The following TMLHE variants were observed in gnomAD, a reference collection of about 807,000 sequenced individuals.
The protein encoded by TMLHE is trimethyllysine hydroxylase, epsilon, also known as trimethyllysine dioxygenase, mitochondrial.
In TMLHE, 18 loss-of-function variants were observed where a neutral mutation model predicts 25.7. The ratio of observed to expected loss-of-function variants is 0.70; its 90% CI spans 0.48 to 1.04. The LOEUF is 1.04. Ranked by LOEUF, TMLHE falls within the 50% of genes least tolerant of loss-of-function variation. TMLHE has a pLI of 0.00. For synonymous variants in TMLHE, 105 were observed against 97.0 expected (o/e 1.08, Z -0.49); for missense variants, 236 against 259.0 (o/e 0.91, Z 0.61).
chrX:155,603,475 T>C (rs1370887839), intron 1 of TMLHE, among the ~76,000 whole-genome samples: 1 of 111,816 alleles, frequency 8.9e-6, no homozygotes, highest in African/African-American at 3.3e-5. Flanking sequence ...AAAACAATGT[T>C]GAAAAAGAAG....
intron 1 of TMLHE, among the ~76,000 whole-genome samples, chrX:155,548,662 G>T (rs782083258): frequency 4.8e-4 from 52 of 108,485 alleles, no homozygotes; most frequent in Non-Finnish European, 9.0e-4. Context: ...TTGAACCCAG[G>T]AGGCAAAGGT....
At chrX:155,604,644 A>G (rs2067776502) in intron 1 of TMLHE, among the ~76,000 whole-genome samples, 1 of 111,368 alleles carries the variant, frequency 9.0e-6, no homozygotes, top group Admixed American at 9.5e-5. Flanking sequence ...GCCAGCACTC[A>G]AGTGGGAGAG....
chrX:155,608,285 G>T (rs2067798647), intron 1 of TMLHE, among the ~76,000 whole-genome samples: 1 of 111,718 alleles, frequency 9.0e-6, no homozygotes, highest in African/African-American at 3.3e-5. Flanking sequence ...TGACGCTGAT[G>T]AAAACAAGTA....
intron 1 of TMLHE, among the ~76,000 whole-genome samples, chrX:155,595,476 C>T (rs2067715884): frequency 8.9e-6 from 1 of 111,820 alleles, no homozygotes; most frequent in Non-Finnish European, 1.9e-5. Context: ...GAAGTGCTTC[C>T]AAGAAGCAGA....
chrX:155,506,238 G>T (rs1280655328), intron 6 of TMLHE, among the ~76,000 whole-genome samples: 1 of 111,252 alleles, frequency 9.0e-6, no homozygotes, highest in East Asian at 2.8e-4. Context: ...CCATGGGAAA[G>T]AAAAGTGTTC....
intron 6 of TMLHE, among the ~76,000 whole-genome samples, chrX:155,504,605 C>G (rs2067066029): frequency 9.0e-6 from 1 of 111,200 alleles, no homozygotes; most frequent in African/African-American, 3.3e-5. Context: ...GGTACAAGTA[C>G]TTTGGTAAAA....
intron 5 of TMLHE, among the ~76,000 whole-genome samples, chrX:155,509,144 A>G (rs1207580671): frequency 3.6e-5 from 4 of 111,714 alleles, no homozygotes; most frequent in Non-Finnish European, 5.7e-5. Flanking sequence ...ATTATAGCTA[A>G]TATTTATTGA....
intron 2 of TMLHE, among the ~76,000 whole-genome samples, chrX:155,540,198 C>T (rs1217898462): frequency 1.8e-5 from 2 of 109,829 alleles, no homozygotes; most frequent in African/African-American, 6.6e-5. Flanking sequence ...AATAAACAAA[C>T]AACTCCAGTT....
rs1207001640 is a variant in TMLHE at position 155,560,597 on chromosome X, T to G, written c.-1-15320A>C. On this transcript the variant is annotated intron_variant, in intron 1 of 7. Transcript: ENST00000334398. Reference sequence around the variant, plus strand: ...AAAGGAGGAGTTAGTCATAAGGATATCTGGGGTAAAGTAGACTAGGCAGAG... The same window carrying G: ...AAAGGAGGAGTTAGTCATAAGGATAGCTGGGGTAAAGTAGACTAGGCAGAG... 4.6e-5 allele frequency among the ~76,000 whole-genome samples: 2 copies of G among 43,799 alleles called. 1 individual carries two copies. Among genetic ancestry groups the G allele is most frequent in the Non-Finnish European group, 1.6e-4 (2 of 12,704 alleles). 38.0% of individuals were successfully genotyped at this position (43,799 alleles called of 115,157 possible).
At chrX:155,581,306 G>A in intron 1 of TMLHE, among the ~76,000 whole-genome samples, 1 of 111,637 alleles carries the variant, frequency 9.0e-6, no homozygotes, top group South Asian at 3.7e-4. Flanking sequence ...TCAACATAGT[G>A]TTGGAAGTTC....
rs782803369 is a variant in TMLHE, at chrX:155,524,752, C to T, written c.182-120G>A. On this transcript the variant is annotated intron_variant, in intron 2 of 7. Coordinates refer to ENST00000334398, the MANE Select transcript of TMLHE (RefSeq NM_018196.4). The stretch of plus-strand genomic sequence containing the variant: ...AAGCAATAAGGGTTGAGGGGAGGGA[C>T]TTGCCCCTTACCAGATATTAAAATA... 8 of 554,427 alleles carry T rather than the reference C, an allele frequency of 1.4e-5. No individual in the cohort carries two copies. The East Asian group carries it at 2.8e-4, about 20-fold the overall frequency. The allele number at this position is 554,427 out of a possible 1,213,427, so 45.7% of individuals were successfully genotyped here. A position where few individuals can be genotyped will look rare whatever the true frequency, so the allele number is the denominator to read the frequency against.
chrX:155,549,683 GTA>G (rs1329922458), intron 1 of TMLHE, among the ~76,000 whole-genome samples: 1 of 109,975 alleles, frequency 9.1e-6, no homozygotes, highest in Non-Finnish European at 1.9e-5. Flanking sequence ...TCTGGTGTGT[GTA>G]TGTGTGTGTG....
At chrX:155,558,108 GCCTTCTACTA>G (rs1364134316) in intron 1 of TMLHE, among the ~76,000 whole-genome samples, 8 of 111,582 alleles carry the variant, frequency 7.2e-5, no homozygotes, top group Non-Finnish European at 1.3e-4. Flanking sequence ...TTAATGTAAT[GCCTTCTACTA>G]CCTGGTTCTG....
chrX:155,531,401 T>C (rs192161374), intron 2 of TMLHE, among the ~76,000 whole-genome samples: 1 of 110,879 alleles, frequency 9.0e-6, no homozygotes, highest in East Asian at 2.9e-4. Flanking sequence ...ACATGACACA[T>C]AGTGAGAGAG....
intron 1 of TMLHE, among the ~76,000 whole-genome samples, chrX:155,589,214 G>A (rs1449939393): frequency 9.0e-6 from 1 of 111,563 alleles, no homozygotes; most frequent in African/African-American, 3.3e-5. Context: ...TTGGGAGGCC[G>A]AGGAGGGGAG....
intron 2 of TMLHE, among the ~76,000 whole-genome samples, chrX:155,535,435 T>C (rs2067272919): frequency 8.9e-6 from 1 of 111,941 alleles, no homozygotes. Flanking sequence ...ATGATAGAGA[T>C]AGAATGTGCT....
intron 1 of TMLHE, among the ~76,000 whole-genome samples, chrX:155,547,390 G>A (rs1011387862): frequency 2.1e-4 from 23 of 110,902 alleles, no homozygotes; most frequent in African/African-American, 4.6e-4. Flanking sequence ...GTGATCCGCC[G>A]CCTCAGCCTC....
intron 1 of TMLHE, among the ~76,000 whole-genome samples, chrX:155,596,770 CTT>C (rs1557346558): frequency 9.0e-6 from 1 of 111,583 alleles, no homozygotes; most frequent in East Asian, 2.8e-4. Context: ...TTTGGCGCCT[CTT>C]ATGTTTTCTG....
At chrX:155,577,016 A>C (rs1264323308) in intron 1 of TMLHE, among the ~76,000 whole-genome samples, 4 of 112,100 alleles carry the variant, frequency 3.6e-5, no homozygotes, top group Non-Finnish European at 7.5e-5. Flanking sequence ...AATGAGACCT[A>C]ATTAAACTAA....
Sources: allele counts gnomAD v4.1 joint callset (sites outside exome capture counted in the v4.1 genomes callset), GRCh38; gene constraint gnomAD v4.1.1; transcripts MANE v1.5; gene names NCBI Gene and HGNC (gene_info 2026-07-23, HGNC 2026-07-21).